The following ARHGAP26 variants were observed in gnomAD, a reference collection of about 807,000 sequenced individuals.
ARHGAP26 encodes the protein Rho GTPase activating protein 26.
Under a neutral mutation model 104.8 loss-of-function variants are expected in ARHGAP26, and 38 were observed. That is an observed-to-expected ratio of 0.36 (90% CI 0.28 to 0.48). ARHGAP26 has a LOEUF of 0.48. Among genes scored for constraint, ARHGAP26 ranks in the 20% least tolerant of loss-of-function variants. The probability of loss-of-function intolerance (pLI) is 0.99; values close to 1 mark genes in which losing one functional copy is unlikely to be tolerated. For synonymous variants in ARHGAP26, 341 were observed against 340.0 expected (o/e 1.00, Z -0.03); for missense variants, 704 against 947.9 (o/e 0.74, Z 3.38).
At chr5:143,026,081 C>T (rs984731740) in intron 12 of ARHGAP26, among the ~76,000 whole-genome samples, 7 of 152,290 alleles carry the variant, frequency 4.6e-5, no homozygotes, top group Admixed American at 2.0e-4. Context: ...CTGTTTGTCT[C>T]ATGCTTCCCA....
In ARHGAP26 at chr5:142,770,386, C is replaced by A. The variant is rs1007159188; in HGVS notation, c.-376C>A. On this transcript the variant is annotated 5_prime_UTR_variant, in exon 1 of 23. Transcript: ENST00000645722. ...CAGGTTCGAGCGGCCCAGACACCGG[C>A]GGGGCGGCCGAGGCTGCTGTGAGAG... 3 of 189,130 alleles carry A rather than the reference C, an allele frequency of 1.6e-5. No individual in the cohort carries two copies. Among genetic ancestry groups the A allele is most frequent in the African/African-American group, 4.7e-5 (2 of 42,786 alleles). 11.7% of individuals were successfully genotyped at this position (189,130 alleles called of 1,614,324 possible).
At chr5:142,999,468 G>A (rs112756665) in intron 11 of ARHGAP26, among the ~76,000 whole-genome samples, 12 of 152,138 alleles carry the variant, frequency 7.9e-5, no homozygotes, top group African/African-American at 2.4e-4. Context: ...AGAGTGAGGC[G>A]GGTTAAGGCT....
At chr5:142,847,302 G>A (rs1334096628) in intron 1 of ARHGAP26, among the ~76,000 whole-genome samples, 1 of 152,038 alleles carries the variant, frequency 6.6e-6, no homozygotes, top group Non-Finnish European at 1.5e-5. Flanking sequence ...CAGAACCTGA[G>A]CCTTGGGGAA....
intron 4 of ARHGAP26, among the ~76,000 whole-genome samples, chr5:142,883,006 G>A (rs1366884720): frequency 6.6e-6 from 1 of 152,184 alleles, no homozygotes; most frequent in African/African-American, 2.4e-5. Flanking sequence ...CTTGTGTCCT[G>A]AGTAATGGAC....
rs142578569 is a variant in ARHGAP26, at chr5:143,188,121, C to T, written c.1989-19077C>T. On this transcript the variant is annotated intron_variant, in intron 20 of 22. Coordinates refer to ENST00000645722, the MANE Select transcript of ARHGAP26 (RefSeq NM_001135608.3). Reference sequence around the variant, plus strand: ...TGGATAAGAAGCTTACACATATTTCCAGAGCCAAAAAGAATAATAAAATCC... The same window carrying T: ...TGGATAAGAAGCTTACACATATTTCTAGAGCCAAAAAGAATAATAAAATCC... 3.9e-3 allele frequency among the ~76,000 whole-genome samples: 592 copies of T among 152,234 alleles called. 5 individuals are homozygous for T. Among genetic ancestry groups the T allele is most frequent in the African/African-American group, 0.014 (572 of 41,518 alleles).
intron 3 of ARHGAP26, among the ~76,000 whole-genome samples, chr5:142,877,473 A>G (rs1362911362): frequency 6.6e-6 from 1 of 152,218 alleles, no homozygotes; most frequent in Non-Finnish European, 1.5e-5. Flanking sequence ...AACATCAGGC[A>G]GTGTTGGAAC....
intron 1 of ARHGAP26, among the ~76,000 whole-genome samples, chr5:142,823,385 C>T (rs1321500008): frequency 1.3e-5 from 2 of 152,156 alleles, no homozygotes; most frequent in East Asian, 3.9e-4. Flanking sequence ...CAGTGTGCCC[C>T]TCCCTTCTGT....
intron 18 of ARHGAP26, among the ~76,000 whole-genome samples, chr5:143,130,702 A>G (rs1322098891): frequency 1.3e-5 from 2 of 152,226 alleles, no homozygotes; most frequent in South Asian, 4.1e-4. Context: ...TCGAGCCTTT[A>G]GCATAGAGGC....
chr5:143,175,537 A>G (rs1803360358), intron 20 of ARHGAP26, among the ~76,000 whole-genome samples: 1 of 151,986 alleles, frequency 6.6e-6, no homozygotes, highest in Non-Finnish European at 1.5e-5. Flanking sequence ...AAAAAATGGT[A>G]CACTTTTTTT....
chr5:142,889,962 C>T (rs1758265474), intron 5 of ARHGAP26, among the ~76,000 whole-genome samples: 2 of 150,142 alleles, frequency 1.3e-5, no homozygotes, highest in Non-Finnish European at 3.0e-5. Flanking sequence ...TGGAGAAACC[C>T]CCATCTCTAT....
intron 4 of ARHGAP26, among the ~76,000 whole-genome samples, chr5:142,882,630 T>C (rs1757165010): frequency 6.6e-6 from 1 of 152,204 alleles, no homozygotes; most frequent in Admixed American, 6.5e-5. Flanking sequence ...GTGTTCTTGA[T>C]AAGAAGGAGG....
intron 20 of ARHGAP26, among the ~76,000 whole-genome samples, chr5:143,196,409 T>G (rs1806839720): frequency 6.6e-6 from 1 of 152,204 alleles, no homozygotes; most frequent in Admixed American, 6.5e-5. Flanking sequence ...ACTAAGCCAT[T>G]GCATGGAGGG....
intron 6 of ARHGAP26, 69 bp from the exon 7 acceptor site, chr5:142,901,866 C>A (rs1312311014): frequency 7.8e-7 from 1 of 1,276,126 alleles, no homozygotes; most frequent in East Asian, 2.3e-5. Context: ...GTTGGGAGCT[C>A]AGATACAGCT....
chr5:143,121,959 A>C (rs1179037925), intron 18 of ARHGAP26, among the ~76,000 whole-genome samples: 1 of 152,260 alleles, frequency 6.6e-6, no homozygotes, highest in African/African-American at 2.4e-5. Flanking sequence ...AGAATGGCAA[A>C]TTAATCATGC....
chr5:142,817,186 C>T (rs1217935655), intron 1 of ARHGAP26, among the ~76,000 whole-genome samples: 1 of 152,114 alleles, frequency 6.6e-6, no homozygotes, highest in African/African-American at 2.4e-5. Flanking sequence ...TGCCAGAAAT[C>T]AGGAACTCAG....
At chr5:143,067,547 C>T (rs1324238789) in intron 17 of ARHGAP26, among the ~76,000 whole-genome samples, 1 of 152,226 alleles carries the variant, frequency 6.6e-6, no homozygotes, top group African/African-American at 2.4e-5. Context: ...GTCTTTTCTG[C>T]TTCCACACAT....
intron 1 of ARHGAP26, among the ~76,000 whole-genome samples, chr5:142,825,682 A>G (rs991298272): frequency 1.3e-5 from 2 of 152,208 alleles, no homozygotes; most frequent in African/African-American, 4.8e-5. Flanking sequence ...TTTTTTGGAA[A>G]GCTAAATTGG....
chr5:142,811,852 A>G (rs577194454), intron 1 of ARHGAP26, among the ~76,000 whole-genome samples: 3 of 152,320 alleles, frequency 2.0e-5, no homozygotes, highest in Admixed American at 2.0e-4. Context: ...CTCTGGCTTC[A>G]GTAGCACCCA....
In ARHGAP26 at chr5:142,932,411, A is replaced by G. The variant is rs200379756; in HGVS notation, c.1107+286A>G. 3.8e-4 allele frequency among the ~76,000 whole-genome samples: 58 copies of G among 152,328 alleles called. No individual in the cohort carries two copies. The East Asian group carries it at 4.2e-3, about 11-fold the overall frequency. ...GACTTCTGGTTCAGCCTCCCGTAGTAACTTACCTCCCCTTATAAGCAGCGG... is the reference window on the plus strand; with the variant it reads ...GACTTCTGGTTCAGCCTCCCGTAGTGACTTACCTCCCCTTATAAGCAGCGG... On this transcript the variant is annotated intron_variant, in intron 11 of 22. Transcript: ENST00000645722.
Sources: allele counts gnomAD v4.1 joint callset (sites outside exome capture counted in the v4.1 genomes callset), GRCh38; gene constraint gnomAD v4.1.1; transcripts MANE v1.5; gene names NCBI Gene and HGNC (gene_info 2026-07-23, HGNC 2026-07-21).